PIP5K1B: variants seen among roughly 807,000 people sequenced by gnomAD.
PIP5K1B encodes the protein phosphatidylinositol 4-phosphate 5-kinase type-1 beta.
PIP5K1B carries 42 observed loss-of-function variants against 67.0 expected under a neutral mutation model. That is an observed-to-expected ratio of 0.63 (90% CI 0.49 to 0.81). The LOEUF (loss-of-function observed/expected upper bound fraction) is 0.81. PIP5K1B is among the 30% of genes least tolerant of loss of function. PIP5K1B has a pLI of 0.00. For missense variants in PIP5K1B, 459 were observed against 646.3 expected (o/e 0.71, Z 3.14); for synonymous variants, 214 against 231.4 (o/e 0.92, Z 0.68).
intron 12 of PIP5K1B, among the ~76,000 whole-genome samples, chr9:68,926,513 T>C (rs1826709673): frequency 1.3e-5 from 2 of 152,188 alleles, no homozygotes; most frequent in Non-Finnish European, 2.9e-5. Flanking sequence ...TGTACAGGCC[T>C]ATGATTCTTG....
chr9:68,900,820 A>C (rs191839683), intron 8 of PIP5K1B, among the ~76,000 whole-genome samples: 42 of 152,356 alleles, frequency 2.8e-4, no homozygotes, highest in Admixed American at 2.4e-3. Context: ...TAATGAAACC[A>C]GTCTCAAGAA....
At chr9:68,735,598 C>T (rs1372824633) in intron 1 of PIP5K1B, among the ~76,000 whole-genome samples, 3 of 152,096 alleles carry the variant, frequency 2.0e-5, no homozygotes, top group East Asian at 1.9e-4. Flanking sequence ...CCATGTTGGC[C>T]GAGCTGGTCT....
At chr9:68,884,729 T>C (rs1824379752) in intron 6 of PIP5K1B, among the ~76,000 whole-genome samples, 1 of 151,534 alleles carries the variant, frequency 6.6e-6, no homozygotes, top group African/African-American at 2.4e-5. Flanking sequence ...GTCAACATTC[T>C]TAATCATGAG....
At chr9:68,943,790 A>G (rs1419043207) in intron 14 of PIP5K1B, among the ~76,000 whole-genome samples, 2 of 152,218 alleles carry the variant, frequency 1.3e-5, no homozygotes, top group Non-Finnish European at 2.9e-5. Flanking sequence ...ACATTATGTT[A>G]TATGTATCTG....
intron 14 of PIP5K1B, among the ~76,000 whole-genome samples, chr9:68,988,951 G>A (rs192284744): frequency 8.6e-4 from 130 of 151,696 alleles, no homozygotes; most frequent in Non-Finnish European, 1.6e-3. Flanking sequence ...AAAAATTAGC[G>A]GGACGTGGTG....
At chr9:68,952,482 G>T (rs1036667485) in intron 14 of PIP5K1B, among the ~76,000 whole-genome samples, 1 of 151,988 alleles carries the variant, frequency 6.6e-6, no homozygotes, top group Non-Finnish European at 1.5e-5. Flanking sequence ...CTTCCTCTTT[G>T]CTTCTTCCTC....
chr9:68,938,811 A>G (rs1020121444), intron 13 of PIP5K1B, among the ~76,000 whole-genome samples: 2 of 152,114 alleles, frequency 1.3e-5, no homozygotes, highest in Admixed American at 1.3e-4. Flanking sequence ...CCTGGGGTCC[A>G]TCCACATTCC....
chr9:68,990,584 C>G (rs1830318160), intron 14 of PIP5K1B, among the ~76,000 whole-genome samples: 1 of 149,410 alleles, frequency 6.7e-6, no homozygotes, highest in African/African-American at 2.5e-5. Context: ...GGCATGGGAC[C>G]CACAGATCCC....
chr9:68,963,650 T>G (rs2132765664), intron 14 of PIP5K1B, among the ~76,000 whole-genome samples: 1 of 152,362 alleles, frequency 6.6e-6, no homozygotes, highest in East Asian at 1.9e-4. Context: ...GATAATTTGC[T>G]TTGGTTCAGC....
intron 2 of PIP5K1B, among the ~76,000 whole-genome samples, chr9:68,769,048 G>T (rs1235006667): frequency 6.6e-6 from 1 of 152,196 alleles, no homozygotes; most frequent in East Asian, 1.9e-4. Flanking sequence ...GTTTGCCTCA[G>T]TAAATGTACA....
chr9:69,004,291 C>A (rs1473651343), intron 15 of PIP5K1B, among the ~76,000 whole-genome samples: 1 of 151,804 alleles, frequency 6.6e-6, no homozygotes, highest in Non-Finnish European at 1.5e-5. Flanking sequence ...TATCTCAGTG[C>A]ATAGGCAAAA....
intron 5 of PIP5K1B, among the ~76,000 whole-genome samples, chr9:68,870,624 A>G (rs1823583971): frequency 6.6e-6 from 1 of 152,212 alleles, no homozygotes; most frequent in Non-Finnish European, 1.5e-5. Flanking sequence ...CGAAGGTCCA[A>G]CTTGAAGACT....
intron 4 of PIP5K1B, among the ~76,000 whole-genome samples, chr9:68,857,407 A>T (rs564832127): frequency 2.2e-4 from 34 of 152,314 alleles, no homozygotes; most frequent in East Asian, 3.9e-4. Flanking sequence ...AACCAGTTTC[A>T]TGCAATCTCT....
At chr9:68,888,213 C>T (rs970565923) in intron 6 of PIP5K1B, among the ~76,000 whole-genome samples, 1 of 152,042 alleles carries the variant, frequency 6.6e-6, no homozygotes, top group East Asian at 1.9e-4. Context: ...CTCCTGACCT[C>T]GTCATCCACC....
At chr9:68,774,517 C>T (rs181625057) in intron 2 of PIP5K1B, among the ~76,000 whole-genome samples, 17 of 152,320 alleles carry the variant, frequency 1.1e-4, no homozygotes, top group African/African-American at 4.1e-4. Context: ...TTGTCCATAT[C>T]AACAACATTT....
chr9:68,766,967 T>C (rs1830457552), intron 2 of PIP5K1B, among the ~76,000 whole-genome samples: 1 of 152,158 alleles, frequency 6.6e-6, no homozygotes, highest in South Asian at 2.1e-4. Flanking sequence ...AAATTCAAAG[T>C]GCAGGCCCCC....
At position 69,008,438 on chromosome 9, in the gene PIP5K1B, T is replaced by A; in HGVS notation, c.1621-9T>A. On this transcript the variant is annotated splice_polypyrimidine_tract_variant and intron_variant, in intron 15 of 15. Coordinates refer to ENST00000265382, the MANE Select transcript of PIP5K1B (RefSeq NM_003558.4). The stretch of plus-strand genomic sequence containing the variant: ...TCTAGTCTCACACCTGCTTTTTTGC[T>A]CCCCCCAGTAAGTGAAAATGGTGAT... The A allele has an allele frequency of 6.2e-7, 1 of 1,613,484 alleles. No individual in the cohort carries two copies. The highest frequency in any genetic ancestry group is 1.3e-5 in the African/African-American group (1 of 74,944).
chr9:68,871,611 G>GT (rs1423230087), intron 5 of PIP5K1B, among the ~76,000 whole-genome samples: 1 of 152,202 alleles, frequency 6.6e-6, no homozygotes, highest in Non-Finnish European at 1.5e-5. Context: ...CTGCTTCTTA[G>GT]TGAATAAGTG....
chr9:68,753,809 C>A (rs147435130), intron 2 of PIP5K1B, among the ~76,000 whole-genome samples: 1,782 of 152,124 alleles, frequency 0.012, 37 homozygotes, highest in African/African-American at 0.041. Context: ...CAGGCGTGAG[C>A]CACCGCACAC....
Sources: gnomAD v4.1 joint callset for allele counts (sites outside exome capture counted in the v4.1 genomes callset) on GRCh38, gnomAD v4.1.1 for gene constraint, MANE v1.5 for transcripts, NCBI Gene and HGNC (gene_info 2026-07-23, HGNC 2026-07-21) for gene names.